The following TCF4 variants were observed in gnomAD, a reference collection of about 807,000 sequenced individuals.
TCF4 encodes the protein SL3-3 enhancer factor 2.
A neutral mutation model predicts 82.1 loss-of-function variants in TCF4; 3 were observed. The observed-to-expected ratio is 0.04, with a 90% CI of 0.02 to 0.09. The LOEUF (loss-of-function observed/expected upper bound fraction) is 0.09, where lower values mean the gene tolerates loss of function less well. Ranked by LOEUF, TCF4 falls within the 10% of genes least tolerant of loss-of-function variation. TCF4 has a pLI of 1.00. For missense variants in TCF4, 518 were observed against 852.7 expected (o/e 0.61, Z 4.89); for synonymous variants, 276 against 309.6 (o/e 0.89, Z 1.14).
At position 55,339,150 on chromosome 18, in the gene TCF4, C is replaced by T. The variant is rs537194983; in HGVS notation, c.549+11209G>A. 4.6e-5 allele frequency among the ~76,000 whole-genome samples: 7 copies of T among 152,148 alleles called. No individual in the cohort carries two copies. In the East Asian group the frequency reaches 9.6e-4, roughly 21 times the overall value. On this transcript the variant is annotated intron_variant, in intron 8 of 19. Coordinates refer to ENST00000354452, the MANE Select transcript of TCF4 (RefSeq NM_001083962.2). ...GGTGATCATAAATATCCCTAAATAGCATTAAACAGATATGAAAGACATTAA... is the reference window on the plus strand; with the variant it reads ...GGTGATCATAAATATCCCTAAATAGTATTAAACAGATATGAAAGACATTAA...
chr18:55,437,413 A>C (rs2095352082), intron 5 of TCF4, among the ~76,000 whole-genome samples: 1 of 152,170 alleles, frequency 6.6e-6, no homozygotes, highest in South Asian at 2.1e-4. Context: ...TCTCTCTCTC[A>C]ATGGAAATAT....
intron 16 of TCF4, 183 bp downstream of exon 16, chr18:55,234,365 T>C: frequency 3.8e-6 from 3 of 791,270 alleles, no homozygotes; most frequent in South Asian, 3.6e-5. Context: ...AAACAGTCCC[T>C]GGAGAAACAC....
At chr18:55,569,906 T>A (rs1484722971) in intron 3 of TCF4, among the ~76,000 whole-genome samples, 1 of 152,198 alleles carries the variant, frequency 6.6e-6, no homozygotes, top group Non-Finnish European at 1.5e-5. Flanking sequence ...AGCTGAATTT[T>A]AAATTCACGT....
At chr18:55,599,537 A>G (rs552650849) in intron 2 of TCF4, among the ~76,000 whole-genome samples, 1 of 152,322 alleles carries the variant, frequency 6.6e-6, no homozygotes, top group South Asian at 2.1e-4. Context: ...CCTGGCCAAC[A>G]TGGTGAAACC....
intron 3 of TCF4, among the ~76,000 whole-genome samples, chr18:55,544,557 A>C (rs1397723993): frequency 4.6e-5 from 7 of 152,180 alleles, no homozygotes; most frequent in Non-Finnish European, 1.5e-5. Flanking sequence ...ACCATTCTTC[A>C]TTCTGACTTC....
At chr18:55,351,789 A>T in intron 6 of TCF4, 1 of 862,648 alleles carries the variant, frequency 1.2e-6, no homozygotes, top group Non-Finnish European at 1.4e-6. Context: ...CTACATAGAA[A>T]CTTACCCATA....
At chr18:55,578,233 T>A (rs1174061177) in intron 3 of TCF4, among the ~76,000 whole-genome samples, 1 of 152,118 alleles carries the variant, frequency 6.6e-6, no homozygotes, top group Non-Finnish European at 1.5e-5. Context: ...TTTTTAATAA[T>A]TTTTTCAGAA....
Position 55,585,263 on chromosome 18 carries a change from G to A in TCF4, c.145+17C>T, listed in dbSNP as rs2097628814. On this transcript the variant is annotated intron_variant, in intron 3 of 19. Transcript: ENST00000354452. ...CCCAGAACATTTAACTTAACACTAA[G>A]AAAAGAATTTACATACTTGAGCCAG... is the stretch of plus-strand genomic sequence containing the variant. 6 of 1,611,414 alleles carry A rather than the reference G, an allele frequency of 3.7e-6. No homozygotes were observed. The highest frequency in any genetic ancestry group is 1.3e-5 in the African/African-American group (1 of 74,818).
At chr18:55,498,019 A>T (rs1211260095) in intron 3 of TCF4, among the ~76,000 whole-genome samples, 2 of 152,258 alleles carry the variant, frequency 1.3e-5, no homozygotes, top group African/African-American at 4.8e-5. Flanking sequence ...ATCCTCCACC[A>T]GGGTGACACA....
chr18:55,383,746 G>T (rs1445140578), intron 6 of TCF4, among the ~76,000 whole-genome samples: 5 of 152,130 alleles, frequency 3.3e-5, no homozygotes, highest in African/African-American at 1.2e-4. Flanking sequence ...ACGCTAAAAG[G>T]GCAGTGTCAG....
intron 3 of TCF4, among the ~76,000 whole-genome samples, chr18:55,523,988 T>C (rs538935073): frequency 1.3e-5 from 2 of 152,258 alleles, no homozygotes; most frequent in South Asian, 4.1e-4. Context: ...TACACTTAAA[T>C]ATTCACTGAA....
At chr18:55,436,450 T>C (rs1203472728) in intron 5 of TCF4, among the ~76,000 whole-genome samples, 1 of 152,216 alleles carries the variant, frequency 6.6e-6, no homozygotes, top group Non-Finnish European at 1.5e-5. Flanking sequence ...GTAAATAAAA[T>C]TTCTAAATTC....
At chr18:55,518,215 G>T (rs980217529) in intron 3 of TCF4, among the ~76,000 whole-genome samples, 4 of 152,042 alleles carry the variant, frequency 2.6e-5, no homozygotes, top group African/African-American at 9.7e-5. Flanking sequence ...ATGATGATTT[G>T]CTGTCTGTTA....
chr18:55,234,504 A>G (rs1403851045), intron 16 of TCF4, 44 bp downstream of exon 16: 4 of 1,613,842 alleles, frequency 2.5e-6, no homozygotes, highest in Non-Finnish European at 3.4e-6. Flanking sequence ...CACTGGTCCT[A>G]TTGTGAAAGT....
chr18:55,242,748 T>A (rs1454386950), intron 15 of TCF4, among the ~76,000 whole-genome samples: 1 of 152,154 alleles, frequency 6.6e-6, no homozygotes, highest in Non-Finnish European at 1.5e-5. Context: ...TAGCTGGGAT[T>A]ACAGGCGTGC....
intron 6 of TCF4, among the ~76,000 whole-genome samples, chr18:55,392,184 C>T (rs2093173069): frequency 6.6e-6 from 1 of 151,098 alleles, no homozygotes. Context: ...AGGCTGGTCT[C>T]GAACTCCTGT....
rs538073506 is a variant in TCF4, at chr18:55,356,455, C to A, written c.370-5452G>T. 2.0e-5 allele frequency among the ~76,000 whole-genome samples: 3 copies of A among 152,226 alleles called. 1 individual carries two copies. The highest frequency in any genetic ancestry group is 2.4e-5 in the African/African-American group (1 of 41,540). ...TTAAGTGGCCATGTTCCTGGAAATG[C>A]CACAAGGATGAGTTCAGTGGCTCCT... On this transcript the variant is annotated intron_variant, in intron 6 of 19. Coordinates refer to ENST00000354452, the MANE Select transcript of TCF4 (RefSeq NM_001083962.2).
chr18:55,574,996 T>A (rs1294795861), intron 3 of TCF4, among the ~76,000 whole-genome samples: 1 of 152,212 alleles, frequency 6.6e-6, no homozygotes, highest in Non-Finnish European at 1.5e-5. Flanking sequence ...CAATCAAGCC[T>A]TAAACAATTA....
At chr18:55,561,007 A>C (rs1255068607) in intron 3 of TCF4, among the ~76,000 whole-genome samples, 5 of 152,280 alleles carry the variant, frequency 3.3e-5, no homozygotes, top group Non-Finnish European at 7.3e-5. Flanking sequence ...GCATGGCCCT[A>C]GCCAAACTTT....
Sources: gnomAD v4.1 joint callset for allele counts (sites outside exome capture counted in the v4.1 genomes callset) on GRCh38, gnomAD v4.1.1 for gene constraint, MANE v1.5 for transcripts, NCBI Gene and HGNC (gene_info 2026-07-23, HGNC 2026-07-21) for gene names.